The following SDK1 variants were observed in gnomAD, a reference collection of about 807,000 sequenced individuals.
The protein encoded by SDK1 is sidekick cell adhesion molecule 1, also known as protein sidekick-1.
In SDK1, 157 loss-of-function variants were observed where a neutral mutation model predicts 245.5. That is an observed-to-expected ratio of 0.64 (90% CI 0.56 to 0.73). SDK1 has a LOEUF of 0.73. SDK1 is among the 30% of genes least tolerant of loss of function. The pLI, the probability that SDK1 is intolerant of heterozygous loss-of-function variation, is 0.00. For missense variants in SDK1, 3,583 were observed against 3,002.3 expected (o/e 1.19, Z -4.52); for synonymous variants, 1,647 against 1,278.5 (o/e 1.29, Z -6.15).
At chr7:4,113,934 C>T (rs1783522094) in intron 24 of SDK1, 103 bp from the exon 25 acceptor site, 4 of 822,726 alleles carry the variant, frequency 4.9e-6, no homozygotes, top group Non-Finnish European at 4.0e-6. Context: ...CCAGGAACAC[C>T]TCCTCCACGG....
At chr7:3,545,252 G>C (rs944386407) in intron 1 of SDK1, among the ~76,000 whole-genome samples, 2 of 152,168 alleles carry the variant, frequency 1.3e-5, no homozygotes, top group African/African-American at 4.8e-5. Flanking sequence ...CAGGTAGAAA[G>C]TAGAGAAGAG....
chr7:4,236,241 G>T (rs1786158317), intron 41 of SDK1, among the ~76,000 whole-genome samples: 1 of 152,104 alleles, frequency 6.6e-6, no homozygotes, highest in African/African-American at 2.4e-5. Context: ...GGGGCTTCCA[G>T]TGCCACAGAA....
chr7:3,663,806 A>G lies in SDK1; in HGVS notation c.713+21701A>G, dbSNP rs2880049. 0.024 allele frequency among the ~76,000 whole-genome samples: 3,623 copies of G among 152,292 alleles called. 377 individuals carry two copies. The East Asian group carries it at 0.29, about 12-fold the overall frequency. On this transcript the variant is annotated intron_variant, in intron 4 of 44. Coordinates refer to ENST00000404826, the MANE Select transcript of SDK1 (RefSeq NM_152744.4). ...TCTAAAAGGAAGTATGGAAAGTAGA[A>G]AACTAAATCTAAGATTAGCTAACTA...
At chr7:4,001,989 G>A (rs992995446) in intron 14 of SDK1, among the ~76,000 whole-genome samples, 1 of 152,212 alleles carries the variant, frequency 6.6e-6, no homozygotes, top group African/African-American at 2.4e-5. Context: ...GGGGGCCCTC[G>A]CAGTCCCCTG....
At chr7:4,244,081 A>T (rs1301331543) in intron 43 of SDK1, among the ~76,000 whole-genome samples, 1 of 152,158 alleles carries the variant, frequency 6.6e-6, no homozygotes, top group African/African-American at 2.4e-5. Flanking sequence ...TTTCCAGGAG[A>T]AACTGAGGCA....
At chr7:3,369,662 TTA>T (rs1294935748) in intron 1 of SDK1, among the ~76,000 whole-genome samples, 1 of 152,220 alleles carries the variant, frequency 6.6e-6, no homozygotes, top group East Asian at 1.9e-4. Context: ...AAGTTTTCAT[TTA>T]TGTCACTGAA....
chr7:3,802,112 T>C (rs542993301), intron 4 of SDK1, among the ~76,000 whole-genome samples: 2 of 152,356 alleles, frequency 1.3e-5, no homozygotes, highest in East Asian at 3.9e-4. Flanking sequence ...CTTCACCCAA[T>C]GTTTATATTT....
intron 1 of SDK1, among the ~76,000 whole-genome samples, chr7:3,567,781 T>C (rs1779974449): frequency 6.6e-6 from 1 of 152,186 alleles, no homozygotes; most frequent in African/African-American, 2.4e-5. Context: ...CATGGTTCTT[T>C]CTTTTTATTT....
At chr7:3,943,633 C>A (rs184639190) in intron 5 of SDK1, among the ~76,000 whole-genome samples, 2 of 151,494 alleles carry the variant, frequency 1.3e-5, no homozygotes, top group Admixed American at 1.3e-4. Flanking sequence ...GCGGGGCTGC[C>A]GTGGAAGGGG....
chr7:3,999,157 T>A lies in SDK1; in HGVS notation c.2132-11809T>A, dbSNP rs575259940. Among the ~76,000 whole-genome samples, 50 of 152,270 alleles carry A rather than the reference T, an allele frequency of 3.3e-4. No individual in the cohort carries two copies. The South Asian group carries it at 5.2e-3, about 16-fold the overall frequency. ...ACACACACACGCACACACACATGTA[T>A]CATGTCACCATACTTTAAGGGCAGG... On this transcript the variant is annotated intron_variant, in intron 14 of 44. Transcript: ENST00000404826.
At chr7:3,587,604 G>T (rs1780732974) in intron 1 of SDK1, among the ~76,000 whole-genome samples, 1 of 152,192 alleles carries the variant, frequency 6.6e-6, no homozygotes. Context: ...GCCCCCAATG[G>T]ACTGGACGAT....
chr7:4,190,451 G>A (rs1482740895), intron 35 of SDK1, among the ~76,000 whole-genome samples: 1 of 152,254 alleles, frequency 6.6e-6, no homozygotes, highest in African/African-American at 2.4e-5. Flanking sequence ...TGATGAGTCA[G>A]CTTTATCCGG....
intron 17 of SDK1, among the ~76,000 whole-genome samples, chr7:4,043,860 G>A (rs549845152): frequency 1.3e-5 from 2 of 152,230 alleles, no homozygotes; most frequent in East Asian, 3.9e-4. Flanking sequence ...AGAATGAGAT[G>A]CCGTCCTCAA....
At chr7:4,093,782 T>C (rs1359708571) in intron 22 of SDK1, among the ~76,000 whole-genome samples, 1 of 152,200 alleles carries the variant, frequency 6.6e-6, no homozygotes, top group East Asian at 1.9e-4. Context: ...GACCGGATCC[T>C]GGGCTGATGG....
At chr7:3,862,957 G>C (rs1457321997) in intron 5 of SDK1, among the ~76,000 whole-genome samples, 1 of 137,470 alleles carries the variant, frequency 7.3e-6, no homozygotes, top group Non-Finnish European at 1.5e-5. Flanking sequence ...GCCACCGCTG[G>C]CTGATCTGAC....
intron 4 of SDK1, among the ~76,000 whole-genome samples, chr7:3,764,933 T>G (rs1332423173): frequency 6.6e-6 from 1 of 152,164 alleles, no homozygotes; most frequent in African/African-American, 2.4e-5. Context: ...TTATTTTTCA[T>G]AAAACATGTT....
chr7:3,853,405 T>G (rs1780466278), intron 5 of SDK1, among the ~76,000 whole-genome samples: 1 of 151,696 alleles, frequency 6.6e-6, no homozygotes, highest in Non-Finnish European at 1.5e-5. Flanking sequence ...TTTAAAATTA[T>G]TGTGTGTGTG....
At chr7:4,019,397 G>T (rs1345682369) in intron 17 of SDK1, among the ~76,000 whole-genome samples, 1 of 152,172 alleles carries the variant, frequency 6.6e-6, no homozygotes, top group Non-Finnish European at 1.5e-5. Context: ...TTTCAGAGGA[G>T]ATTTGGCGAG....
intron 22 of SDK1, among the ~76,000 whole-genome samples, chr7:4,084,140 A>G (rs1484451690): frequency 8.5e-5 from 13 of 152,200 alleles, no homozygotes; most frequent in African/African-American, 3.1e-4. Flanking sequence ...CCCTCAGACT[A>G]TTTAGTTACT....
Sources: allele counts gnomAD v4.1 joint callset (sites outside exome capture counted in the v4.1 genomes callset), GRCh38; gene constraint gnomAD v4.1.1; transcripts MANE v1.5; gene names NCBI Gene and HGNC (gene_info 2026-07-23, HGNC 2026-07-21).